DIP2A: variants seen among roughly 807,000 people sequenced by gnomAD.
DIP2A encodes the protein DIP2 acetate--CoA ligase A.
In DIP2A, 85 loss-of-function variants were observed where a neutral mutation model predicts 177.4. That is an observed-to-expected ratio of 0.48 (90% CI 0.40 to 0.57). DIP2A has a LOEUF of 0.57. Among genes scored for constraint, DIP2A ranks in the 20% least tolerant of loss-of-function variants. The probability of loss-of-function intolerance (pLI) is 0.00; values close to 1 mark genes in which losing one functional copy is unlikely to be tolerated. For synonymous variants in DIP2A, 886 were observed against 881.8 expected, an observed-to-expected ratio of 1.00 and a Z score of -0.08; for missense variants, 1,791 against 2,100.2, an observed-to-expected ratio of 0.85 and a Z score of 2.88.
intron 6 of DIP2A, among the ~76,000 whole-genome samples, chr21:46,508,800 A>G (rs1466197345): frequency 1.3e-5 from 2 of 151,858 alleles, no homozygotes; most frequent in Non-Finnish European, 2.9e-5. Context: ...AGGCAGGTGG[A>G]TCACGAGGTG....
chr21:46,565,309 G>A (rs538431897), intron 35 of DIP2A, among the ~76,000 whole-genome samples: 36 of 152,326 alleles, frequency 2.4e-4, no homozygotes, highest in Non-Finnish European at 4.3e-4. Flanking sequence ...GTCTTACTGT[G>A]AGTCTGAGCA....
At chr21:46,480,057 A>AT (rs72348715) in intron 1 of DIP2A, among the ~76,000 whole-genome samples, 8,956 of 121,010 alleles carry the variant, frequency 0.074, 363 homozygotes, top group Non-Finnish European at 0.1. Context: ...GACTGCCTGT[A>AT]TTTTTTTTTT....
chr21:46,518,744 C>T (rs1459382740), intron 8 of DIP2A, among the ~76,000 whole-genome samples: 1 of 152,166 alleles, frequency 6.6e-6, no homozygotes, highest in Non-Finnish European at 1.5e-5. Flanking sequence ...ATAGTCCCAG[C>T]TACTCGGGAG....
intron 22 of DIP2A, 48 bp downstream of exon 22, chr21:46,549,933 C>T (rs758560225): frequency 6.2e-7 from 1 of 1,602,282 alleles, no homozygotes; most frequent in Non-Finnish European, 8.5e-7. Flanking sequence ...CCCAAGCTGG[C>T]ACCCCCACTC....
At chr21:46,555,054 CTG>C in intron 28 of DIP2A, 121 bp downstream of exon 28, 1 of 1,049,614 alleles carries the variant, frequency 9.5e-7, no homozygotes. Context: ...AGGAGCCTGG[CTG>C]ACAGCAGGGG....
At chr21:46,565,160 C>A (rs1014872486) in intron 35 of DIP2A, among the ~76,000 whole-genome samples, 12 of 152,346 alleles carry the variant, frequency 7.9e-5, no homozygotes, top group African/African-American at 2.6e-4. Context: ...GCACAAAATG[C>A]TTACGTGTGT....
chr21:46,559,652 A>G (rs1253549778), intron 32 of DIP2A, among the ~76,000 whole-genome samples: 1 of 152,230 alleles, frequency 6.6e-6, no homozygotes, highest in Non-Finnish European at 1.5e-5. Context: ...TCGGAAGGGT[A>G]TGGATGCCAC....
At chr21:46,474,079 A>G (rs1441909774) in intron 1 of DIP2A, among the ~76,000 whole-genome samples, 1 of 152,182 alleles carries the variant, frequency 6.6e-6, no homozygotes, top group Non-Finnish European at 1.5e-5. Context: ...TGGTCTGGAC[A>G]GAGCTGAGCC....
intron 6 of DIP2A, among the ~76,000 whole-genome samples, chr21:46,506,858 T>TCACCCA: frequency 6.8e-6 from 1 of 147,050 alleles, no homozygotes; most frequent in Non-Finnish European, 1.5e-5. Context: ...CAGAGTGCAG[T>TCACCCA]GGTGCGATCT....
At chr21:46,540,779 C>T (rs1303611176) in intron 17 of DIP2A, among the ~76,000 whole-genome samples, 2 of 151,926 alleles carry the variant, frequency 1.3e-5, no homozygotes, top group African/African-American at 2.4e-5. Flanking sequence ...TTTGGGAGGC[C>T]GAGGCAGGTG....
chr21:46,533,658 C>G lies in DIP2A; in HGVS notation c.1429+11C>G, dbSNP rs1893475749. The G allele has an allele frequency of 6.2e-7, 1 of 1,613,770 alleles. No individual in the cohort carries two copies. The highest frequency in any genetic ancestry group is 1.7e-5 in the Admixed American group (1 of 59,990). On this transcript the variant is annotated intron_variant, in intron 11 of 37. Coordinates refer to ENST00000417564, the MANE Select transcript of DIP2A (RefSeq NM_015151.4). The stretch of plus-strand genomic sequence containing the variant: ...TGGCAGCTTTCAAAGGTGAGGCCTC[C>G]CAAGGGAAGGGGAGTCAGTGTTCTG...
intron 8 of DIP2A, among the ~76,000 whole-genome samples, chr21:46,528,780 G>A (rs2059233259): frequency 6.6e-6 from 1 of 151,626 alleles, no homozygotes; most frequent in African/African-American, 2.4e-5. Flanking sequence ...TGCCTGCCTC[G>A]TCCTTCCAAA....
chr21:46,549,695 C>A, intron 21 of DIP2A, 76 bp from the exon 22 acceptor site: 1 of 1,581,706 alleles, frequency 6.3e-7, no homozygotes, highest in South Asian at 1.1e-5. Flanking sequence ...CTGCCTCTTC[C>A]ATCGTGAGGG....
At chr21:46,539,850 G>T (rs2059738436) in intron 16 of DIP2A, 27 bp from the exon 17 acceptor site, 1 of 1,580,842 alleles carries the variant, frequency 6.3e-7, no homozygotes. Context: ...GTTAGTGCTG[G>T]CGTTCCACTC....
chr21:46,484,000 G>A (rs961108818), intron 1 of DIP2A, among the ~76,000 whole-genome samples: 1 of 152,250 alleles, frequency 6.6e-6, no homozygotes, highest in East Asian at 1.9e-4. Context: ...CTCATTCCTA[G>A]GTGGTTTAAT....
At chr21:46,541,703 C>G in intron 17 of DIP2A, 53 bp from the exon 18 acceptor site, 1 of 1,610,686 alleles carries the variant, frequency 6.2e-7, no homozygotes, top group Admixed American at 1.7e-5. Flanking sequence ...GGCCCACCTC[C>G]CTGGAATTTC....
At chr21:46,518,396 A>C (rs1298804866) in intron 8 of DIP2A, among the ~76,000 whole-genome samples, 1 of 152,090 alleles carries the variant, frequency 6.6e-6, no homozygotes, top group Non-Finnish European at 1.5e-5. Flanking sequence ...CATTATCAGC[A>C]CTTGGTATTG....
chr21:46,565,450 G>A (rs958790680), intron 35 of DIP2A, among the ~76,000 whole-genome samples: 5 of 152,190 alleles, frequency 3.3e-5, no homozygotes, highest in Non-Finnish European at 7.3e-5. Context: ...TGCCCCTCTC[G>A]ACTTACCCAC....
At chr21:46,535,272 TTTAA>T (rs2059518188) in intron 13 of DIP2A, among the ~76,000 whole-genome samples, 1 of 152,116 alleles carries the variant, frequency 6.6e-6, no homozygotes. Flanking sequence ...ATTAATATTA[TTTAA>T]TTGATAAGTA....
Sources: allele counts gnomAD v4.1 joint callset (sites outside exome capture counted in the v4.1 genomes callset), GRCh38; gene constraint gnomAD v4.1.1; transcripts MANE v1.5; gene names NCBI Gene and HGNC (gene_info 2026-07-23, HGNC 2026-07-21).